CRPPA: variants seen among roughly 807,000 people sequenced by gnomAD.
The protein encoded by CRPPA is D-ribitol-5-phosphate cytidylyltransferase.
A neutral mutation model predicts 52.0 loss-of-function variants in CRPPA; 43 were observed. That is an observed-to-expected ratio of 0.83 (90% CI 0.65 to 1.07). The LOEUF (loss-of-function observed/expected upper bound fraction) is 1.07. CRPPA is among the 50% of genes least tolerant of loss of function. The pLI is 0.00. For missense variants in CRPPA, 629 were observed against 551.7 expected (o/e 1.14, Z -1.40); for synonymous variants, 250 against 203.5 (o/e 1.23, Z -1.94).
intron 6 of CRPPA, among the ~76,000 whole-genome samples, chr7:16,274,242 G>T (rs1784156822): frequency 6.6e-6 from 1 of 151,976 alleles, no homozygotes; most frequent in Non-Finnish European, 1.5e-5. Flanking sequence ...GTAGAGACAG[G>T]TTTCACCGTG....
Position 16,382,672 on chromosome 7 carries a change from T to C in CRPPA, c.535-6431A>G, listed in dbSNP as rs567233555. Among the ~76,000 whole-genome samples, 296 of 152,232 alleles carry C rather than the reference T, an allele frequency of 1.9e-3. 1 individual carries two copies. Among genetic ancestry groups the C allele is most frequent in the African/African-American group, 6.8e-3 (283 of 41,538 alleles). On this transcript the variant is annotated intron_variant, in intron 2 of 9. Transcript: ENST00000407010. ...GTCTTTTCACATAGTCCCATATTTCTTGGAGGCTTTGTTCGTTTCTTTTTA... is the reference window on the plus strand; with the variant it reads ...GTCTTTTCACATAGTCCCATATTTCCTGGAGGCTTTGTTCGTTTCTTTTTA...
intron 2 of CRPPA, among the ~76,000 whole-genome samples, chr7:16,385,912 G>A (rs762065313): frequency 1.4e-4 from 21 of 152,224 alleles, no homozygotes; most frequent in Non-Finnish European, 2.4e-4. Context: ...GGCTCCAGCC[G>A]CACAGTAGCG....
chr7:16,381,179 C>T (rs1213828249), intron 2 of CRPPA, among the ~76,000 whole-genome samples: 4 of 152,080 alleles, frequency 2.6e-5, no homozygotes, highest in East Asian at 1.9e-4. Flanking sequence ...CCACAGATTC[C>T]GGTATGTTGT....
At position 16,091,818 on chromosome 7, in the gene CRPPA, C is replaced by G. The variant is rs756877407; in HGVS notation, c.1252-19G>C. 1 of 1,364,978 alleles carries G rather than the reference C, an allele frequency of 7.3e-7. No individual in the cohort carries two copies. Among genetic ancestry groups the G allele is most frequent in the African/African-American group, 1.5e-5 (1 of 66,180 alleles). The allele number at this position is 1,364,978 out of a possible 1,614,324, so 84.6% of individuals were successfully genotyped here. ...GATCATCCTGAAAAGAAAGGATAAA[C>G]CAGTAATATTTTAGAAAAAACATAT... On this transcript the variant is annotated intron_variant, in intron 9 of 9. Transcript: ENST00000407010.
chr7:16,417,915 G>C (rs1371254395), intron 1 of CRPPA, among the ~76,000 whole-genome samples: 1 of 152,120 alleles, frequency 6.6e-6, no homozygotes, highest in Non-Finnish European at 1.5e-5. Flanking sequence ...TCTTATTTGG[G>C]ACAATGAGAA....
At chr7:16,325,103 C>A (rs1020621451) in intron 3 of CRPPA, among the ~76,000 whole-genome samples, 1 of 152,186 alleles carries the variant, frequency 6.6e-6, no homozygotes, top group African/African-American at 2.4e-5. Flanking sequence ...TAAGCACTGA[C>A]CCATCAGATA....
At chr7:16,386,588 G>T (rs967689969) in intron 2 of CRPPA, among the ~76,000 whole-genome samples, 2 of 152,130 alleles carry the variant, frequency 1.3e-5, no homozygotes, top group African/African-American at 2.4e-5. Context: ...GTGTATATTT[G>T]ATGAAAACAG....
At chr7:16,138,843 C>A (rs557435343) in intron 9 of CRPPA, among the ~76,000 whole-genome samples, 1 of 152,090 alleles carries the variant, frequency 6.6e-6, no homozygotes, top group Non-Finnish European at 1.5e-5. Context: ...CTCCTGTCGC[C>A]CAGGCAAGAG....
intron 4 of CRPPA, among the ~76,000 whole-genome samples, chr7:16,304,068 A>C (rs1461292593): frequency 6.6e-6 from 1 of 152,204 alleles, no homozygotes; most frequent in Non-Finnish European, 1.5e-5. Flanking sequence ...GTAAGAGACC[A>C]AGTTAATTAA....
chr7:16,273,363 AG>A (rs1784131885), intron 6 of CRPPA, among the ~76,000 whole-genome samples: 1 of 152,002 alleles, frequency 6.6e-6, no homozygotes, highest in African/African-American at 2.4e-5. Flanking sequence ...GTGATGGCAG[AG>A]GGGCAGCAGA....
intron 9 of CRPPA, among the ~76,000 whole-genome samples, chr7:16,155,256 T>C (rs1190527851): frequency 2.6e-5 from 4 of 152,174 alleles, no homozygotes; most frequent in African/African-American, 9.7e-5. Context: ...TGTCTTATTT[T>C]AGAGGTGCAA....
At chr7:16,272,385 T>C (rs1583483989) in intron 6 of CRPPA, among the ~76,000 whole-genome samples, 3 of 152,338 alleles carry the variant, frequency 2.0e-5, no homozygotes, top group African/African-American at 7.2e-5. Flanking sequence ...ACATACCCAA[T>C]CTTTTCCCTT....
At chr7:16,315,530 T>C (rs1417117718) in intron 3 of CRPPA, among the ~76,000 whole-genome samples, 1 of 152,120 alleles carries the variant, frequency 6.6e-6, no homozygotes, top group African/African-American at 2.4e-5. Context: ...TGGGAAAGGA[T>C]GGAGTTGGGT....
chr7:16,169,874 T>C (rs897800336), intron 9 of CRPPA, among the ~76,000 whole-genome samples: 1 of 152,178 alleles, frequency 6.6e-6, no homozygotes, highest in South Asian at 2.1e-4. Flanking sequence ...ACTCACTGTA[T>C]TGAAGGAAAA....
intron 9 of CRPPA, among the ~76,000 whole-genome samples, chr7:16,139,285 C>A (rs919819992): frequency 2.0e-5 from 3 of 152,104 alleles, no homozygotes; most frequent in Non-Finnish European, 4.4e-5. Flanking sequence ...TTTCTTTTTT[C>A]CTTTGCACAG....
At chr7:16,157,921 C>G (rs1011791381) in intron 9 of CRPPA, among the ~76,000 whole-genome samples, 2 of 151,732 alleles carry the variant, frequency 1.3e-5, no homozygotes, top group African/African-American at 2.4e-5. Context: ...GTCGCCCAGG[C>G]TGGAATAGAG....
intron 2 of CRPPA, among the ~76,000 whole-genome samples, chr7:16,402,628 G>C (rs1787848051): frequency 6.6e-6 from 1 of 151,756 alleles, no homozygotes; most frequent in Non-Finnish European, 1.5e-5. Context: ...CATGATAAGG[G>C]ACAAAATGGG....
At chr7:16,153,499 T>C (rs1002011058) in intron 9 of CRPPA, among the ~76,000 whole-genome samples, 5 of 152,144 alleles carry the variant, frequency 3.3e-5, no homozygotes, top group African/African-American at 1.2e-4. Context: ...ATTTACTATA[T>C]ATTTTTAATT....
chr7:16,097,803 G>C (rs1047989411), intron 9 of CRPPA, among the ~76,000 whole-genome samples: 1 of 152,092 alleles, frequency 6.6e-6, no homozygotes, highest in Non-Finnish European at 1.5e-5. Flanking sequence ...ACTCATAGTG[G>C]CTCTTCAGTT....
Sources: allele counts gnomAD v4.1 joint callset (sites outside exome capture counted in the v4.1 genomes callset), GRCh38; gene constraint gnomAD v4.1.1; transcripts MANE v1.5; gene names NCBI Gene and HGNC (gene_info 2026-07-23, HGNC 2026-07-21).